Variants in CMC1 observed in about 807,000 individuals in gnomAD.
CMC1 encodes C-X9-C motif containing 1, also known as COX assembly mitochondrial protein homolog.
In CMC1, 14 loss-of-function variants were observed where a neutral mutation model predicts 14.1. That is an observed-to-expected ratio of 0.99 (90% confidence interval 0.66 to 1.55). The LOEUF (loss-of-function observed/expected upper bound fraction) is 1.55. CMC1 is among the 40% of genes most tolerant of loss of function. The probability of loss-of-function intolerance (pLI) is 0.00; values close to 1 mark genes in which losing one functional copy is unlikely to be tolerated. For synonymous variants in CMC1, 50 were observed against 38.4 expected (o/e 1.30, Z -1.12); for missense variants, 127 against 123.8 (o/e 1.03, Z -0.12).
chr3:28,271,882 A>G (rs1442252459), intron 2 of CMC1, among the ~76,000 whole-genome samples: 2 of 152,066 alleles, frequency 1.3e-5, no homozygotes, highest in Non-Finnish European at 2.9e-5. Context: ...TTCCATTTGT[A>G]TCGTCTCTGA....
chr3:28,287,215 G>C (rs536980018), intron 2 of CMC1, among the ~76,000 whole-genome samples: 1 of 152,036 alleles, frequency 6.6e-6, no homozygotes, highest in Admixed American at 6.6e-5. Context: ...TCCTCTCTAC[G>C]TTTTATGAGA....
At chr3:28,270,979 A>G (rs1197461546) in intron 2 of CMC1, among the ~76,000 whole-genome samples, 1 of 143,070 alleles carries the variant, frequency 7.0e-6, no homozygotes. Flanking sequence ...CTGGAGTGCA[A>G]TGGCACGGTC....
intron 2 of CMC1, among the ~76,000 whole-genome samples, chr3:28,283,556 A>C (rs78768834): frequency 1.3e-5 from 2 of 149,060 alleles, no homozygotes; most frequent in Non-Finnish European, 3.0e-5. Flanking sequence ...AAAAACAAAA[A>C]AAAAAAAAAA....
chr3:28,245,761 C>T (rs1448127029), intron 1 of CMC1, among the ~76,000 whole-genome samples: 2 of 152,162 alleles, frequency 1.3e-5, no homozygotes, highest in Non-Finnish European at 2.9e-5. Context: ...GGTTGCAGTA[C>T]TCCAAGTTGG....
At chr3:28,278,431 G>A (rs1303130615) in intron 2 of CMC1, among the ~76,000 whole-genome samples, 5 of 152,178 alleles carry the variant, frequency 3.3e-5, no homozygotes, top group Admixed American at 6.5e-5. Flanking sequence ...GGAGTAGAAT[G>A]TTTGTACAAT....
chr3:28,281,364 ATTCCT>A (rs1202496545), intron 2 of CMC1, among the ~76,000 whole-genome samples: 1 of 152,204 alleles, frequency 6.6e-6, no homozygotes, highest in Non-Finnish European at 1.5e-5. Flanking sequence ...TTAAAACTTG[ATTCCT>A]TTTCTGAGTT....
In CMC1 at chr3:28,241,656, T is replaced by C; in HGVS notation, c.-138T>C. 1 of 1,233,526 alleles carries C rather than the reference T, an allele frequency of 8.1e-7. No individual in the cohort carries two copies. The highest frequency in any genetic ancestry group is 3.2e-5 in the East Asian group (1 of 31,650). 76.4% of individuals were successfully genotyped at this position (1,233,526 alleles called of 1,614,324 possible). A position where few individuals can be genotyped will look rare whatever the true frequency, so the allele number is the denominator to read the frequency against. On this transcript the variant is annotated 5_prime_UTR_variant, in exon 1 of 4. Coordinates refer to ENST00000466830, the MANE Select transcript of CMC1 (RefSeq NM_182523.2). ...AAGAGGGAACGGGTCCTGGCGGTGCTTTGCAAAGGGCCCGTGTTTCTGTTG... is the reference window on the plus strand; with the variant it reads ...AAGAGGGAACGGGTCCTGGCGGTGCCTTGCAAAGGGCCCGTGTTTCTGTTG...
chr3:28,295,860 C>A (rs1701715019), intron 2 of CMC1, among the ~76,000 whole-genome samples: 1 of 151,908 alleles, frequency 6.6e-6, no homozygotes, highest in Non-Finnish European at 1.5e-5. Flanking sequence ...GATATGGAAC[C>A]CACAGATAAG....
intron 2 of CMC1, among the ~76,000 whole-genome samples, chr3:28,268,071 G>A (rs1700096510): frequency 1.3e-5 from 2 of 152,126 alleles, no homozygotes; most frequent in Non-Finnish European, 2.9e-5. Flanking sequence ...CGCATATGAT[G>A]AATAGCTGTT....
intron 2 of CMC1, among the ~76,000 whole-genome samples, chr3:28,282,850 C>T (rs1303090113): frequency 1.3e-5 from 2 of 152,130 alleles, no homozygotes; most frequent in African/African-American, 4.8e-5. Flanking sequence ...ACGAATTTAA[C>T]TCTAAGTTCA....
intron 1 of CMC1, among the ~76,000 whole-genome samples, chr3:28,262,219 G>A (rs1044593313): frequency 6.6e-6 from 1 of 152,044 alleles, no homozygotes; most frequent in Non-Finnish European, 1.5e-5. Flanking sequence ...CCCTTTTGAA[G>A]CTTTTAGGAT....
rs112615758 is a variant in CMC1, at chr3:28,293,521, C to T, written c.110-22812C>T. ...ATATCAAGAAGATACTCATCTTTAA[C>T]GAAAATTTGCTTTTGAGGCTTATGT... is the stretch of plus-strand genomic sequence containing the variant. On this transcript the variant is annotated intron_variant, in intron 2 of 3. Transcript: ENST00000466830. Among the ~76,000 whole-genome samples the T allele has an allele frequency of 5.1e-3, 780 of 152,104 alleles. 7 individuals carry two copies. The highest frequency in any genetic ancestry group is 0.017 in the Middle Eastern group (5 of 294).
At chr3:28,294,024 A>G (rs572788818) in intron 2 of CMC1, among the ~76,000 whole-genome samples, 2 of 152,304 alleles carry the variant, frequency 1.3e-5, no homozygotes, top group Non-Finnish European at 2.9e-5. Flanking sequence ...AATAATTGCT[A>G]TTTTCGAAGA....
chr3:28,246,990 G>C (rs1307499806), intron 1 of CMC1, among the ~76,000 whole-genome samples: 2 of 151,994 alleles, frequency 1.3e-5, no homozygotes, highest in Non-Finnish European at 2.9e-5. Flanking sequence ...AAGGACTCAT[G>C]AACTGCTGTA....
intron 1 of CMC1, among the ~76,000 whole-genome samples, chr3:28,253,554 C>T (rs771456568): frequency 6.6e-6 from 1 of 151,956 alleles, no homozygotes; most frequent in Non-Finnish European, 1.5e-5. Flanking sequence ...GCGCCCTATC[C>T]TGGGTGACAG....
chr3:28,319,238 A>T (rs935627719), intron 3 of CMC1: 5 of 496,522 alleles, frequency 1.0e-5, no homozygotes, highest in Non-Finnish European at 2.0e-5. Flanking sequence ...ATTTTAATCC[A>T]GTCTTTACTT....
intron 2 of CMC1, among the ~76,000 whole-genome samples, chr3:28,305,893 CT>C (rs1241743199): frequency 7.6e-6 from 1 of 131,036 alleles, no homozygotes; most frequent in Non-Finnish European, 1.6e-5. Flanking sequence ...GAGTTTCATT[CT>C]TTTGCACATG....
At chr3:28,290,411 C>T (rs1701411109) in intron 2 of CMC1, among the ~76,000 whole-genome samples, 1 of 152,094 alleles carries the variant, frequency 6.6e-6, no homozygotes, top group African/African-American at 2.4e-5. Flanking sequence ...TTCTGTACCT[C>T]AGAACTTTGT....
chr3:28,309,985 ACACACG>A (rs1407764792), intron 2 of CMC1, among the ~76,000 whole-genome samples: 5 of 138,986 alleles, frequency 3.6e-5, no homozygotes, highest in African/African-American at 7.9e-5. Context: ...ACACACACAC[ACACACG>A]CTAATAGCAA....
Sources: allele counts gnomAD v4.1 joint callset (sites outside exome capture counted in the v4.1 genomes callset), GRCh38; gene constraint gnomAD v4.1.1; transcripts MANE v1.5; gene names NCBI Gene and HGNC (gene_info 2026-07-23, HGNC 2026-07-21).